The following TENM3 variants were observed in gnomAD, a reference collection of about 807,000 sequenced individuals.
The protein encoded by TENM3 is teneurin-3.
Under a neutral mutation model 255.1 loss-of-function variants are expected in TENM3, and 63 were observed. The observed-to-expected ratio is 0.25, with a 90% CI of 0.20 to 0.30. The LOEUF is 0.30. TENM3 is among the 10% of genes least tolerant of loss of function. TENM3 has a pLI of 1.00. For synonymous variants in TENM3, 1,306 were observed against 1,322.3 expected (o/e 0.99, Z 0.27); for missense variants, 2,929 against 3,461.1 (o/e 0.85, Z 3.86).
chr4:182,596,680 G>A (rs188235592), intron 3 of TENM3, among the ~76,000 whole-genome samples: 3 of 152,186 alleles, frequency 2.0e-5, no homozygotes, highest in Non-Finnish European at 4.4e-5. Context: ...GAGGACACAC[G>A]AGGGAGAGCT....
In TENM3 at chr4:182,740,259, C is replaced by T. The variant is rs190307278; in HGVS notation, c.3379+1715C>T. On this transcript the variant is annotated intron_variant, in intron 18 of 27. Coordinates refer to ENST00000511685, the MANE Select transcript of TENM3 (RefSeq NM_001080477.4). ...TAAACAGAGCGGATAACTAGTGCCA[C>T]ATGCAGCACACATTGAAAAGGTGGG... is the stretch of plus-strand genomic sequence containing the variant. Among the ~76,000 whole-genome samples, 159 of 152,326 alleles carry T rather than the reference C, an allele frequency of 1.0e-3. 3 individuals are homozygous for T. The East Asian group carries it at 0.026, about 25-fold the overall frequency.
chr4:181,488,695 T>A, the TENM3 span, among the ~76,000 whole-genome samples: 2 of 152,168 alleles, frequency 1.3e-5, no homozygotes, highest in African/African-American at 4.8e-5. Flanking sequence ...TAAGTCGGCT[T>A]GACCATCAGT....
intron 3 of TENM3, among the ~76,000 whole-genome samples, chr4:182,496,667 T>C (rs1318803597): frequency 6.6e-6 from 1 of 152,208 alleles, no homozygotes; most frequent in Non-Finnish European, 1.5e-5. Context: ...AAAAATCTCT[T>C]ATCTGTTCAC....
At chr4:181,704,692 A>G in the TENM3 span, among the ~76,000 whole-genome samples, 1 of 152,076 alleles carries the variant, frequency 6.6e-6, no homozygotes, top group Admixed American at 6.6e-5. Context: ...CTCTTTCTGC[A>G]TATTCCTACA....
At chr4:181,974,102 C>CATTCAAG in the TENM3 span, among the ~76,000 whole-genome samples, 1 of 152,172 alleles carries the variant, frequency 6.6e-6, no homozygotes, top group Non-Finnish European at 1.5e-5. Flanking sequence ...GGGAGCCACT[C>CATTCAAG]AGTAGAGACT....
chr4:181,789,630 C>A, the TENM3 span, among the ~76,000 whole-genome samples: 68 of 152,156 alleles, frequency 4.5e-4, no homozygotes, highest in Non-Finnish European at 8.7e-4. Flanking sequence ...GAGCTGGTGA[C>A]CAGAAAGACC....
the TENM3 span, among the ~76,000 whole-genome samples, chr4:181,997,173 A>G: frequency 6.6e-6 from 1 of 152,182 alleles, no homozygotes; most frequent in African/African-American, 2.4e-5. Flanking sequence ...CACTTCAGAC[A>G]TCATGGACTT....
chr4:182,272,144 C>T (rs367713400), intron 1 of TENM3, among the ~76,000 whole-genome samples: 3 of 152,124 alleles, frequency 2.0e-5, no homozygotes, highest in Admixed American at 6.6e-5. Context: ...TTTATTGAGT[C>T]GACGTATTTT....
chr4:182,430,079 A>G lies in TENM3; in HGVS notation c.511+83150A>G, dbSNP rs566690242. On this transcript the variant is annotated intron_variant, in intron 3 of 27. Coordinates refer to ENST00000511685, the MANE Select transcript of TENM3 (RefSeq NM_001080477.4). ...ATTCTTCAATGCAGTATTATCACTG[A>G]GTGACATGACGCAGCTGTGTTTGTG... 5.3e-5 allele frequency among the ~76,000 whole-genome samples: 8 copies of G among 152,352 alleles called. No individual in the cohort carries two copies. The South Asian group carries it at 1.2e-3, about 24-fold the overall frequency.
chr4:182,517,404 G>A (rs1738093621), intron 3 of TENM3, among the ~76,000 whole-genome samples: 1 of 99,622 alleles, frequency 1.0e-5, no homozygotes, highest in African/African-American at 4.3e-5. Context: ...TTTTTTTTGA[G>A]ACGGAGTCTC....
chr4:182,106,068 C>T, the TENM3 span, among the ~76,000 whole-genome samples: 3 of 152,202 alleles, frequency 2.0e-5, no homozygotes, highest in Non-Finnish European at 4.4e-5. Flanking sequence ...CACCCTAAGT[C>T]AAACAGTCAC....
the TENM3 span, among the ~76,000 whole-genome samples, chr4:181,624,361 C>T: frequency 2.6e-5 from 4 of 152,150 alleles, no homozygotes; most frequent in Non-Finnish European, 4.4e-5. Context: ...TTTCAATGGC[C>T]GAAGTAAATC....
chr4:182,721,014 C>T (rs1759682759), intron 13 of TENM3, among the ~76,000 whole-genome samples: 1 of 151,998 alleles, frequency 6.6e-6, no homozygotes, highest in African/African-American at 2.4e-5. Context: ...GTGATCCACC[C>T]ACCTCAGCCT....
the TENM3 span, among the ~76,000 whole-genome samples, chr4:181,562,153 A>C: frequency 6.6e-6 from 1 of 152,224 alleles, no homozygotes; most frequent in East Asian, 1.9e-4. Flanking sequence ...TTACTTAATT[A>C]GTTTCTTTGT....
At chr4:181,987,093 TG>T in the TENM3 span, among the ~76,000 whole-genome samples, 1 of 152,076 alleles carries the variant, frequency 6.6e-6, no homozygotes, top group Non-Finnish European at 1.5e-5. Context: ...GACCAAACTG[TG>T]ACCTGAACCT....
chr4:181,588,479 C>G, the TENM3 span, among the ~76,000 whole-genome samples: 1 of 152,070 alleles, frequency 6.6e-6, no homozygotes, highest in Non-Finnish European at 1.5e-5. Context: ...ATTATCACCC[C>G]GAATCTAATG....
chr4:181,749,860 C>T, the TENM3 span, among the ~76,000 whole-genome samples: 1 of 152,102 alleles, frequency 6.6e-6, no homozygotes, highest in Non-Finnish European at 1.5e-5. Context: ...TAACAAGGTG[C>T]TCTTAAAGGG....
At chr4:182,100,294 A>G in the TENM3 span, among the ~76,000 whole-genome samples, 162 of 151,896 alleles carry the variant, frequency 1.1e-3, 1 homozygote, top group African/African-American at 3.7e-3. Flanking sequence ...TTCATGTCTC[A>G]TCCTTACCTA....
chr4:181,960,325 T>C, the TENM3 span, among the ~76,000 whole-genome samples: 7 of 152,198 alleles, frequency 4.6e-5, no homozygotes, highest in South Asian at 1.4e-3. Flanking sequence ...TAGGACTTTT[T>C]TTTCTAATTT....
Sources: allele counts gnomAD v4.1 joint callset (sites outside exome capture counted in the v4.1 genomes callset), GRCh38; gene constraint gnomAD v4.1.1; transcripts MANE v1.5; gene names NCBI Gene and HGNC (gene_info 2026-07-23, HGNC 2026-07-21).